Variants in AVL9 observed in about 807,000 individuals in gnomAD.
The protein encoded by AVL9 is late secretory pathway protein AVL9 homolog.
Under a neutral mutation model 79.2 loss-of-function variants are expected in AVL9, and 49 were observed. The ratio of observed to expected loss-of-function variants is 0.62; its 90% CI spans 0.49 to 0.79. AVL9 has a LOEUF of 0.79. AVL9 is among the 30% of genes least tolerant of loss of function. AVL9 has a pLI of 0.00. For missense variants in AVL9, 682 were observed against 776.8 expected, an observed-to-expected ratio of 0.88 and a Z score of 1.45; for synonymous variants, 299 against 280.6, an observed-to-expected ratio of 1.07 and a Z score of -0.65.
chr7:32,552,286 GTA>G lies in AVL9; in HGVS notation c.524_525del (p.Tyr175SerfsTer21). Reference protein sequence around the residue: ...LGGASLEGSQVYLGLSPRDLV... With the variant: ...LGGASLEGSQXYLGLSPRDLV... ...AGGTGCTTCATTAGAAGGATCCCAAGTATATCTTGGTAAGTAACTGACTTACA... is the reference window on the plus strand; with the variant it reads ...AGGTGCTTCATTAGAAGGATCCCAAGTATCTTGGTAAGTAACTGACTTACA... On this transcript the variant is annotated frameshift_variant, in exon 6 of 16. Coordinates refer to ENST00000318709, the MANE Select transcript of AVL9 (RefSeq NM_015060.3). LOFTEE classifies it high-confidence loss of function. 2 of 1,594,284 alleles carry G rather than the reference GTA, an allele frequency of 1.3e-6. No homozygotes were observed. Among genetic ancestry groups the G allele is most frequent in the Non-Finnish European group, 8.6e-7 (1 of 1,163,284 alleles).
At position 32,559,298 on chromosome 7, in the gene AVL9, T is replaced by C. The variant is rs751079310; in HGVS notation, c.1049T>C (p.Leu350Pro). ...EDPNLKEREQ[L>P]GSDQTNLFPK... The stretch of plus-strand genomic sequence containing the variant: ...CCCAACTTGAAAGAAAGGGAACAGC[T>C]GGGATCAGACCAGACAAATTTGTTT... Residue 350 changes from leucine to proline, a missense_variant, in exon 10 of 16, where the codon CTG becomes CCG. Physicochemically the swap from Leu to Pro is moderately conservative, Grantham distance 98 (BLOSUM62 -3). Transcript: ENST00000318709. The C allele has an allele frequency of 1.2e-5, 20 of 1,614,076 alleles. No individual in the cohort carries two copies. In the Admixed American group the frequency reaches 2.7e-4, roughly 22 times the overall value.
chr7:32,550,311 T>C (rs1468523740), intron 4 of AVL9, among the ~76,000 whole-genome samples: 3 of 89,386 alleles, frequency 3.4e-5, no homozygotes, highest in African/African-American at 1.2e-4. Flanking sequence ...AATAAAGGCA[T>C]ATCTCAGAAA....
intron 1 of AVL9, among the ~76,000 whole-genome samples, chr7:32,530,754 CCTGA>C (rs1413462237): frequency 1.3e-5 from 2 of 152,154 alleles, no homozygotes; most frequent in Non-Finnish European, 1.5e-5. Context: ...TCGAGACCAG[CCTGA>C]CTAACATGGT....
chr7:32,509,683 C>T (rs200185998), intron 1 of AVL9, among the ~76,000 whole-genome samples: 3 of 152,062 alleles, frequency 2.0e-5, no homozygotes, highest in African/African-American at 7.2e-5. Flanking sequence ...AACCCCATCT[C>T]TACTAAAAAT....
chr7:32,552,790 C>A (rs890910251), intron 6 of AVL9, among the ~76,000 whole-genome samples: 4 of 151,998 alleles, frequency 2.6e-5, no homozygotes, highest in African/African-American at 9.7e-5. Context: ...GAATTTCTAC[C>A]TTCTAGGATA....
At position 32,580,873 on chromosome 7, in the gene AVL9, A is replaced by C; in HGVS notation, c.1814A>C (p.Gln605Pro). ...VMVTTSRNVV[Q>P]TGKAVGQSVG... ...GTCACAACTAGCCGGAATGTTGTAC[A>C]AACAGGAAAAGCTGTTGGTAAGACA... The change falls in exon 15 of 16, where the codon CAA (glutamine) becomes CCA (proline). Residue 605 changes from glutamine (Q) to proline (P), a missense_variant. By Grantham distance (76) the Gln-to-Pro change is moderately conservative (BLOSUM62 -1). Transcript: ENST00000318709. 6.2e-7 allele frequency: 1 copy of C among 1,613,824 alleles called. No individual in the cohort carries two copies. Among genetic ancestry groups the C allele is most frequent in the Middle Eastern group, 1.6e-4 (1 of 6,062 alleles).
At chr7:32,553,623 T>C (rs1583566444) in intron 6 of AVL9, 104 bp from the exon 7 acceptor site, 2 of 6,686 alleles carry the variant, frequency 3.0e-4, no homozygotes, top group Admixed American at 6.4e-3. Flanking sequence ...ATATTCCTAC[T>C]TTTTTTTTTT....
chr7:32,541,935 G>A (rs1789229575), intron 1 of AVL9, among the ~76,000 whole-genome samples: 1 of 152,042 alleles, frequency 6.6e-6, no homozygotes, highest in East Asian at 1.9e-4. Flanking sequence ...GGCTGGTCTC[G>A]AACTTCTGGC....
chr7:32,566,093 T>G (rs1790550995), intron 10 of AVL9, among the ~76,000 whole-genome samples: 1 of 151,126 alleles, frequency 6.6e-6, no homozygotes, highest in Non-Finnish European at 1.5e-5. Context: ...GCCATGGTCA[T>G]GTCAATGCAC....
intron 10 of AVL9, chr7:32,562,714 A>G (rs1159474491): frequency 1.7e-6 from 1 of 591,282 alleles, no homozygotes; most frequent in African/African-American, 2.0e-5. Context: ...TGAAACCAGG[A>G]TCTAGAAACC....
intron 8 of AVL9, among the ~76,000 whole-genome samples, chr7:32,555,172 A>C (rs551346727): frequency 8.5e-5 from 13 of 152,192 alleles, no homozygotes; most frequent in African/African-American, 2.6e-4. Flanking sequence ...AAGAAACCCC[A>C]TCTCTACAAA....
intron 7 of AVL9, 44 bp from the exon 8 acceptor site, chr7:32,554,514 G>A (rs372443045): frequency 7.9e-5 from 94 of 1,184,462 alleles, no homozygotes; most frequent in Admixed American, 1.6e-4. Context: ...AATTATAGGC[G>A]TGAGTCTCTC....
chr7:32,580,962 G>C, intron 15 of AVL9, 72 bp downstream of exon 15: 1 of 1,122,972 alleles, frequency 8.9e-7, no homozygotes, highest in Non-Finnish European at 1.3e-6. Context: ...ATATGTAATT[G>C]ATAAAACAAA....
At position 32,586,087 on chromosome 7, in the gene AVL9, C is replaced by T. The variant is rs890287699; in HGVS notation, c.*2180C>T. On this transcript the variant is annotated 3_prime_UTR_variant, in exon 16 of 16. Coordinates refer to ENST00000318709, the MANE Select transcript of AVL9 (RefSeq NM_015060.3). ...GTATGGTTTCTGTGATCGGGGTAAA[C>T]TCCCGTCTCCCACTATTCAAAAGCA... 2.0e-5 allele frequency: 3 copies of T among 152,180 alleles called. No homozygotes were observed. Among genetic ancestry groups the T allele is most frequent in the Non-Finnish European group, 4.4e-5 (3 of 68,036 alleles). The allele number at this position is 152,180 out of a possible 1,614,324, so 9.4% of individuals were successfully genotyped here.
Position 32,583,922 on chromosome 7 carries a change from G to A in AVL9, c.*15G>A, listed in dbSNP as rs1791642684. The A allele has an allele frequency of 2.5e-6, 4 of 1,580,004 alleles. No individual in the cohort carries two copies. The East Asian group carries it at 6.7e-5, about 27-fold the overall frequency. On this transcript the variant is annotated 3_prime_UTR_variant, in exon 16 of 16. Transcript: ENST00000318709. ...AGAAGCCTTGAGCAAGGCGTCAGAG[G>A]CTGCTATTGCTTTCTGAGGTTTAAG...
chr7:32,546,068 A>C (rs893923215), intron 3 of AVL9, among the ~76,000 whole-genome samples: 31 of 45,798 alleles, frequency 6.8e-4, no homozygotes, highest in Non-Finnish European at 1.3e-3. Flanking sequence ...TTACCTGGAG[A>C]CTTTTTTTTT....
At chr7:32,515,691 A>T (rs927220710) in intron 1 of AVL9, among the ~76,000 whole-genome samples, 1 of 152,284 alleles carries the variant, frequency 6.6e-6, no homozygotes, top group Admixed American at 6.5e-5. Context: ...TAAAGTTATG[A>T]TGCAGCTGGT....
chr7:32,560,780 T>C (rs1354728172), intron 10 of AVL9, among the ~76,000 whole-genome samples: 1 of 152,204 alleles, frequency 6.6e-6, no homozygotes, highest in Admixed American at 6.5e-5. Context: ...TATAGCCTTA[T>C]GAAATGTGTT....
At chr7:32,559,528 T>A in intron 10 of AVL9, 64 bp downstream of exon 10, 1 of 1,482,428 alleles carries the variant, frequency 6.7e-7, no homozygotes, top group South Asian at 1.5e-5. Flanking sequence ...GGAGTTTAAC[T>A]TTTGAACTTT....
Sources: allele counts gnomAD v4.1 joint callset (sites outside exome capture counted in the v4.1 genomes callset), GRCh38; gene constraint gnomAD v4.1.1; transcripts MANE v1.5; gene names NCBI Gene and HGNC (gene_info 2026-07-23, HGNC 2026-07-21).